Variants in CHST9 observed in about 807,000 individuals in gnomAD.
The protein encoded by CHST9 is GalNAc-4-sulfotransferase 2.
Under a neutral mutation model 44.4 loss-of-function variants are expected in CHST9, and 41 were observed. That is an observed-to-expected ratio of 0.92 (90% confidence interval 0.72 to 1.20). The LOEUF is 1.20. Ranked by LOEUF, CHST9 falls within the 50% of genes most tolerant of loss-of-function variation. The pLI is 0.00. For synonymous variants in CHST9, 171 were observed against 178.4 expected (o/e 0.96, Z 0.33); for missense variants, 504 against 516.5 (o/e 0.98, Z 0.23).
intron 4 of CHST9, among the ~76,000 whole-genome samples, chr18:26,969,147 C>T (rs140126649): frequency 6.6e-6 from 1 of 151,948 alleles, no homozygotes; most frequent in Non-Finnish European, 1.5e-5. Flanking sequence ...TACAGGCGCC[C>T]GCCACCGTGC....
At chr18:27,079,055 T>A (rs907466926) in intron 2 of CHST9, among the ~76,000 whole-genome samples, 1 of 152,174 alleles carries the variant, frequency 6.6e-6, no homozygotes, top group Non-Finnish European at 1.5e-5. Context: ...TTTGTCTCCA[T>A]CATCAGCTTG....
At chr18:27,141,591 C>CAAAAAA (rs34920055) in intron 2 of CHST9, among the ~76,000 whole-genome samples, 40 of 50,070 alleles carry the variant, frequency 8.0e-4, no homozygotes, top group Admixed American at 2.2e-3. Flanking sequence ...AATCCCGACT[C>CAAAAAA]AAAAAAAAAA....
At chr18:27,172,066 TC>T (rs1330936209) in intron 1 of CHST9, among the ~76,000 whole-genome samples, 2 of 152,296 alleles carry the variant, frequency 1.3e-5, no homozygotes, top group Non-Finnish European at 2.9e-5. Flanking sequence ...CAAGGCACAG[TC>T]TTTTACACGG....
chr18:27,065,511 A>G (rs1313845500), intron 2 of CHST9, among the ~76,000 whole-genome samples: 1 of 151,566 alleles, frequency 6.6e-6, no homozygotes, highest in African/African-American at 2.4e-5. Flanking sequence ...GACTCCTGGT[A>G]TAGTCCAGTT....
intron 5 of CHST9, among the ~76,000 whole-genome samples, chr18:26,924,084 C>T (rs535813496): frequency 8.2e-4 from 124 of 152,104 alleles, no homozygotes; most frequent in African/African-American, 2.8e-3. Context: ...TCAATAAGGT[C>T]GTGACAAGAT....
chr18:27,152,423 TAA>T (rs2058666657), intron 1 of CHST9, among the ~76,000 whole-genome samples: 2 of 152,188 alleles, frequency 1.3e-5, no homozygotes, highest in East Asian at 1.9e-4. Flanking sequence ...ACATTTGCAT[TAA>T]AGAGTGAAAA....
chr18:27,095,758 C>T (rs543673179), intron 2 of CHST9, among the ~76,000 whole-genome samples: 6 of 152,148 alleles, frequency 3.9e-5, no homozygotes, highest in African/African-American at 1.4e-4. Flanking sequence ...ATATACACAC[C>T]TAAAATTGGA....
chr18:26,947,790 C>T (rs2056186801), intron 4 of CHST9, among the ~76,000 whole-genome samples: 1 of 152,196 alleles, frequency 6.6e-6, no homozygotes, highest in Non-Finnish European at 1.5e-5. Flanking sequence ...TCCTTTTACA[C>T]TGTTGGTGGG....
intron 2 of CHST9, among the ~76,000 whole-genome samples, chr18:27,093,833 A>T (rs979371889): frequency 6.6e-6 from 1 of 151,378 alleles, no homozygotes; most frequent in East Asian, 1.9e-4. Flanking sequence ...TGTCAATCAC[A>T]CTGGGAACTG....
chr18:27,115,114 C>A (rs2058308832), intron 2 of CHST9, among the ~76,000 whole-genome samples: 1 of 152,138 alleles, frequency 6.6e-6, no homozygotes, highest in Admixed American at 6.5e-5. Context: ...TACCTCCCAC[C>A]ATGATTGTAA....
At chr18:27,095,028 C>T (rs1225499216) in intron 2 of CHST9, among the ~76,000 whole-genome samples, 1 of 152,116 alleles carries the variant, frequency 6.6e-6, no homozygotes, top group African/African-American at 2.4e-5. Context: ...GGTTAGTTGA[C>T]ATTAAAAAAT....
chr18:27,125,225 C>T (rs2058409999), intron 2 of CHST9, among the ~76,000 whole-genome samples: 1 of 151,774 alleles, frequency 6.6e-6, no homozygotes, highest in Admixed American at 6.6e-5. Context: ...CTGTGAGAGC[C>T]CTAATTTATA....
chr18:27,059,856 TTG>T (rs1490877238), intron 2 of CHST9, among the ~76,000 whole-genome samples: 2 of 152,176 alleles, frequency 1.3e-5, no homozygotes, highest in African/African-American at 2.4e-5. Flanking sequence ...CGTCAAAGGT[TTG>T]GGCCTCAGAC....
chr18:26,967,232 A>G (rs774439630), intron 4 of CHST9, among the ~76,000 whole-genome samples: 1 of 152,218 alleles, frequency 6.6e-6, no homozygotes, highest in Non-Finnish European at 1.5e-5. Context: ...ATCCTTGTAT[A>G]TGCAATGAAA....
At chr18:27,117,344 C>A (rs2058334376) in intron 2 of CHST9, among the ~76,000 whole-genome samples, 1 of 152,080 alleles carries the variant, frequency 6.6e-6, no homozygotes, top group Non-Finnish European at 1.5e-5. Context: ...AGCTCAACCT[C>A]CCCCATTTTC....
chr18:26,975,823 T>C (rs1377532508), intron 4 of CHST9, among the ~76,000 whole-genome samples: 1 of 149,378 alleles, frequency 6.7e-6, no homozygotes, highest in Non-Finnish European at 1.5e-5. Flanking sequence ...ATTTTTGCTA[T>C]AGTTCAACCT....
chr18:27,093,097 C>A (rs2058085035), intron 2 of CHST9, among the ~76,000 whole-genome samples: 2 of 152,164 alleles, frequency 1.3e-5, no homozygotes, highest in African/African-American at 4.8e-5. Flanking sequence ...CCTGATCCTT[C>A]CTCTGGAAGC....
At chr18:26,968,423 A>C (rs2145164136) in intron 4 of CHST9, among the ~76,000 whole-genome samples, 1 of 152,288 alleles carries the variant, frequency 6.6e-6, no homozygotes, top group East Asian at 1.9e-4. Flanking sequence ...ATCATGAGTG[A>C]GGTCGGTGCT....
chr18:27,021,461 T>C (rs917331625), intron 4 of CHST9, among the ~76,000 whole-genome samples: 1 of 152,164 alleles, frequency 6.6e-6, no homozygotes, highest in Admixed American at 6.5e-5. Context: ...CGTTTCCAAT[T>C]GTCCCCTCAA....
Sources: allele counts gnomAD v4.1 joint callset (sites outside exome capture counted in the v4.1 genomes callset), GRCh38; gene constraint gnomAD v4.1.1; transcripts MANE v1.5; gene names NCBI Gene and HGNC (gene_info 2026-07-23, HGNC 2026-07-21).